The following LRRC71 variants were observed in gnomAD, a reference collection of about 807,000 sequenced individuals.
LRRC71 encodes leucine-rich repeat-containing protein 71.
LRRC71 carries 54 observed loss-of-function variants against 66.6 expected under a neutral mutation model. The ratio of observed to expected loss-of-function variants is 0.81; its 90% CI spans 0.65 to 1.02. The LOEUF is 1.02. Ranked by LOEUF, LRRC71 falls within the 50% of genes least tolerant of loss-of-function variation. The pLI is 0.00. For synonymous variants in LRRC71, 323 were observed against 303.9 expected (o/e 1.06, Z -0.65); for missense variants, 724 against 718.0 (o/e 1.01, Z -0.10).
At chr1:156,934,531 ATATATATGTGTGTGTGTGTGTATATC>A (rs1654740121), downstream of LRRC71, among the ~76,000 whole-genome samples, 2 of 152,064 alleles carry the variant, frequency 1.3e-5, no homozygotes, top group African/African-American at 2.4e-5. Flanking sequence ...ATATATGTGT[ATATATATGTGTGTGTGTGTGTATATC>A]TATATATGTG....
chr1:156,921,089 G>A (rs1399262075), intron 1 of LRRC71, 126 bp downstream of exon 1: 13 of 1,160,262 alleles, frequency 1.1e-5, no homozygotes, highest in South Asian at 4.5e-5. Context: ...CCTGAATCTC[G>A]GCTTGATAGA....
downstream of LRRC71, chr1:156,936,067 G>A (rs1314630707): frequency 6.2e-7 from 1 of 1,613,864 alleles, no homozygotes; most frequent in Non-Finnish European, 8.5e-7. Context: ...GCCTGTGGGA[G>A]GAGGATGAAG....
At position 156,929,629 on chromosome 1, in the gene LRRC71, T is replaced by C; in HGVS notation, c.1147-7T>C. 6.3e-7 allele frequency: 1 copy of C among 1,578,178 alleles called. No homozygotes were observed. The highest frequency in any genetic ancestry group is 8.6e-7 in the Non-Finnish European group (1 of 1,162,254). On this transcript the variant is annotated splice_polypyrimidine_tract_variant and splice_region_variant and intron_variant, in intron 10 of 14. Transcript: ENST00000337428. ...GACTTGCCCCTCTCTTCTCACATTC[T>C]CCACAGGAATTGGCCAAGAAAGAGG...
At chr1:156,938,507 A>C in the LRRC71 span, 3 of 1,612,958 alleles carry the variant, frequency 1.9e-6, no homozygotes, top group Non-Finnish European at 2.5e-6. Context: ...GCTGCCTGCC[A>C]CCTCAGCTGC....
chr1:156,921,849 T>A (rs1558163821), intron 1 of LRRC71, among the ~76,000 whole-genome samples: 1 of 150,518 alleles, frequency 6.6e-6, no homozygotes, highest in South Asian at 2.1e-4. Context: ...CTGGGGACAG[T>A]GGGAGTTGGG....
In LRRC71 at chr1:156,930,749, A is replaced by T. The variant is rs867892637; in HGVS notation, c.1329+132A>T. 4 of 815,180 alleles carry T rather than the reference A, an allele frequency of 4.9e-6. No homozygotes were observed. In the East Asian group the frequency reaches 1.1e-4, roughly 22 times the overall value. 50.5% of individuals were successfully genotyped at this position (815,180 alleles called of 1,614,324 possible). A position where few individuals can be genotyped will look rare whatever the true frequency, so the allele number is the denominator to read the frequency against. On this transcript the variant is annotated intron_variant, in intron 12 of 14. Transcript: ENST00000337428. ...CTGTGGCAGCAGCCATTTGCCTTCA[A>T]ATTTGTCCTCCACTCCTGTCCCAAC...
chr1:156,924,905 G>C lies in LRRC71; in HGVS notation c.516-33G>C, dbSNP rs930797044. On this transcript the variant is annotated intron_variant, in intron 4 of 14. Coordinates refer to ENST00000337428, the MANE Select transcript of LRRC71 (RefSeq NM_144702.3). ...TTTTCCAGTAGGAGGGGGCGCTCTA[G>C]CTCTGTGTTTCTGCACTTCCCGCCC... The C allele has an allele frequency of 3.9e-6, 6 of 1,550,842 alleles. No individual in the cohort carries two copies. In the Admixed American group the frequency reaches 1.2e-4, roughly 30 times the overall value.
chr1:156,924,199 G>A lies in LRRC71; in HGVS notation c.310+101G>A, dbSNP rs796660482. On this transcript the variant is annotated intron_variant, in intron 2 of 14. Coordinates refer to ENST00000337428, the MANE Select transcript of LRRC71 (RefSeq NM_144702.3). The stretch of plus-strand genomic sequence containing the variant: ...CAAATGGAGGGACGCGGGGCGGTGT[G>A]TGTGTGTGAGTCGGCGGTATTCGAC... The A allele has an allele frequency of 4.8e-5, 65 of 1,362,280 alleles. 1 individual carries two copies. In the African/African-American group the frequency reaches 7.6e-4, roughly 16 times the overall value. The allele number at this position is 1,362,280 out of a possible 1,614,324, so 84.4% of individuals were successfully genotyped here.
chr1:156,928,398 C>CTTA, intron 9 of LRRC71, among the ~76,000 whole-genome samples: 13 of 139,792 alleles, frequency 9.3e-5, no homozygotes, highest in African/African-American at 3.8e-4. Flanking sequence ...TCTTCTTCTT[C>CTTA]TTCTTCTTCC....
intron 11 of LRRC71, among the ~76,000 whole-genome samples, chr1:156,929,992 TG>T (rs1291070029): frequency 6.6e-6 from 1 of 152,242 alleles, no homozygotes; most frequent in Non-Finnish European, 1.5e-5. Context: ...TACACCTAGC[TG>T]GGGCCCCCTC....
At chr1:156,932,782 A>AT (rs11415803) in intron 14 of LRRC71, 71 bp from the exon 15 acceptor site, 279,673 of 1,093,120 alleles carry the variant, frequency 0.26, 9,422 homozygotes, top group African/African-American at 0.42. Flanking sequence ...CCCCAGGACC[A>AT]TTTTTTTTTT....
At position 156,931,963 on chromosome 1, in the gene LRRC71, G is replaced by T; in HGVS notation, c.1377G>T (p.Val459=). 6.2e-7 allele frequency: 1 copy of T among 1,600,782 alleles called. No homozygotes were observed. Among genetic ancestry groups the T allele is most frequent in the East Asian group, 2.2e-5 (1 of 44,524 alleles). The stretch of plus-strand genomic sequence containing the variant: ...TGGTCAACCCTCTCCTGGAGCCTGT[G>T]GAGCACCGAGATGGGAAAGTTTTCA... ...TEVVNPLLEP[V]EHRDGKVFMP... is the part of the protein sequence containing the mutation. The change falls in exon 13 of 15, where the codon GTG becomes GTT. Residue 459 remains valine (V), a synonymous_variant. Coordinates refer to ENST00000337428, the MANE Select transcript of LRRC71 (RefSeq NM_144702.3).
the LRRC71 span, chr1:156,939,794 T>C: frequency 6.2e-7 from 1 of 1,613,614 alleles, no homozygotes; most frequent in Non-Finnish European, 8.5e-7. Flanking sequence ...GGGTGAGAGG[T>C]GACGCTGATG....
chr1:156,931,390 C>A (rs961338291), intron 12 of LRRC71, among the ~76,000 whole-genome samples: 3 of 152,182 alleles, frequency 2.0e-5, no homozygotes, highest in African/African-American at 7.2e-5. Flanking sequence ...TTTCAGTTTC[C>A]ATTTTTCATC....
intron 12 of LRRC71, among the ~76,000 whole-genome samples, 154 bp from the exon 13 acceptor site, chr1:156,931,762 G>A (rs1267287569): frequency 6.6e-6 from 1 of 152,084 alleles, no homozygotes; most frequent in Non-Finnish European, 1.5e-5. Flanking sequence ...CTTCTTGAGG[G>A]TATGGGCTTA....
intron 11 of LRRC71, among the ~76,000 whole-genome samples, chr1:156,930,081 C>CTTTCT (rs1654117844): frequency 2.0e-4 from 18 of 90,044 alleles, no homozygotes; most frequent in East Asian, 1.4e-3. Context: ...TCTTTCTTTT[C>CTTTCT]TTTCTTTCTT....
chr1:156,926,729 C>G (rs569710224), intron 5 of LRRC71, among the ~76,000 whole-genome samples: 1 of 152,244 alleles, frequency 6.6e-6, no homozygotes, highest in Admixed American at 6.5e-5. Flanking sequence ...TGCACGCCAC[C>G]ATGTCCCGCT....
At chr1:156,927,074 A>G in intron 5 of LRRC71, 128 bp from the exon 6 acceptor site, 1 of 754,424 alleles carries the variant, frequency 1.3e-6, no homozygotes. Context: ...TATATTTCCT[A>G]TATTGGGGGG....
At chr1:156,922,840 A>G (rs1460069810) in intron 1 of LRRC71, among the ~76,000 whole-genome samples, 1 of 152,184 alleles carries the variant, frequency 6.6e-6, no homozygotes, top group South Asian at 2.1e-4. Context: ...AGATGTTAAA[A>G]CTTGAGAATC....
Sources: allele counts gnomAD v4.1 joint callset (sites outside exome capture counted in the v4.1 genomes callset), GRCh38; gene constraint gnomAD v4.1.1; transcripts MANE v1.5; gene names NCBI Gene and HGNC (gene_info 2026-07-23, HGNC 2026-07-21).